Variants in TRABD2B observed in about 807,000 individuals in gnomAD.
TRABD2B encodes metalloprotease TIKI2.
A neutral mutation model predicts 40.1 loss-of-function variants in TRABD2B; 14 were observed. The observed-to-expected ratio is 0.35, with a 90% CI of 0.23 to 0.55. The LOEUF is 0.55. Ranked by LOEUF, TRABD2B falls within the 20% of genes least tolerant of loss-of-function variation. TRABD2B has a pLI of 0.90. For missense variants in TRABD2B, 541 were observed against 648.6 expected (o/e 0.83, Z 1.80); for synonymous variants, 263 against 277.0 (o/e 0.95, Z 0.50).
intron 2 of TRABD2B, among the ~76,000 whole-genome samples, chr1:47,969,170 G>T: frequency 6.6e-6 from 1 of 152,206 alleles, no homozygotes; most frequent in East Asian, 1.9e-4. Context: ...TATCACAGAA[G>T]CCTGGAGGTT....
At chr1:47,807,415 T>A (rs1261799113) in intron 2 of TRABD2B, among the ~76,000 whole-genome samples, 1 of 152,200 alleles carries the variant, frequency 6.6e-6, no homozygotes, top group Non-Finnish European at 1.5e-5. Flanking sequence ...ACAGGACTAC[T>A]AATGGCCCAG....
intron 2 of TRABD2B, among the ~76,000 whole-genome samples, chr1:47,926,185 G>A (rs570568716): frequency 6.6e-6 from 1 of 152,232 alleles, no homozygotes; most frequent in Admixed American, 6.5e-5. Flanking sequence ...TAATAAAAAG[G>A]AATCATTCCT....
rs562766493 is a variant in TRABD2B, at chr1:47,785,234, C to A, written c.989-6690G>T. Among the ~76,000 whole-genome samples, 18 of 152,226 alleles carry A rather than the reference C, an allele frequency of 1.2e-4. No individual in the cohort carries two copies. The East Asian group carries it at 1.9e-3, about 16-fold the overall frequency. On this transcript the variant is annotated intron_variant, in intron 4 of 6. Transcript: ENST00000606738. ...TTGCTGCAGGACATGGTGAAGGGGA[C>A]AGATTCAAGCTGGGACCAAAAAACA...
intron 2 of TRABD2B, among the ~76,000 whole-genome samples, chr1:47,872,801 G>A (rs1644163911): frequency 6.6e-6 from 1 of 152,186 alleles, no homozygotes; most frequent in Middle Eastern, 3.2e-3. Flanking sequence ...GTGGGGGGAA[G>A]GCTGGGAGTT....
intron 2 of TRABD2B, among the ~76,000 whole-genome samples, chr1:47,974,761 G>A (rs1363410399): frequency 2.0e-5 from 3 of 151,864 alleles, no homozygotes; most frequent in African/African-American, 7.3e-5. Flanking sequence ...AAAAGATGGA[G>A]GGAAAAAAGG....
intron 2 of TRABD2B, among the ~76,000 whole-genome samples, chr1:47,862,273 T>A (rs1643984842): frequency 6.6e-6 from 1 of 152,150 alleles, no homozygotes; most frequent in Non-Finnish European, 1.5e-5. Context: ...ATAAAATATA[T>A]ACTTATTGAG....
At position 47,863,372 on chromosome 1, in the gene TRABD2B, T is replaced by TTATTTATATTTATATATATATATATATA. The variant is rs568340180; in HGVS notation, c.667-61754_667-61753insTATATATATATATATATAAATATAAATA. On this transcript the variant is annotated intron_variant, in intron 2 of 6. Transcript: ENST00000606738. ...ATAATTGGATATATCCTATATAATT[T>TTATTTATATTTATATATATATATATATA]TATATATATATATATATATATAATC... 1.5e-4 allele frequency among the ~76,000 whole-genome samples: 10 copies of TTATTTATATTTATATATATATATATATA among 66,496 alleles called. 1 individual carries two copies. The highest frequency in any genetic ancestry group is 4.7e-4 in the African/African-American group (9 of 19,016). The allele number at this position is 66,496 out of a possible 152,430, so 43.6% of individuals were successfully genotyped here.
Position 47,763,502 on chromosome 1 carries a change from T to G in TRABD2B, c.*2400A>C, listed in dbSNP as rs1198628450. ...CGACGTAATCTAGCATTGCACTGCT[T>G]GTCCCATCTTGATAATGAGTTCCTC... On this transcript the variant is annotated 3_prime_UTR_variant, in exon 7 of 7. Transcript: ENST00000606738. 1.3e-5 allele frequency: 2 copies of G among 152,204 alleles called. No homozygotes were observed. The highest frequency in any genetic ancestry group is 2.9e-5 in the Non-Finnish European group (2 of 68,042). The allele number at this position is 152,204 out of a possible 1,614,324, so 9.4% of individuals were successfully genotyped here.
intron 2 of TRABD2B, among the ~76,000 whole-genome samples, chr1:47,918,022 A>T (rs756212134): frequency 1.6e-4 from 24 of 152,372 alleles, no homozygotes; most frequent in Non-Finnish European, 3.4e-4. Context: ...GAAGGTCAGA[A>T]TAAAGTAATC....
rs1446761089 is a variant in TRABD2B at position 47,953,819 on chromosome 1, G to C, written c.666+40215C>G. Among the ~76,000 whole-genome samples the C allele has an allele frequency of 5.9e-5, 9 of 152,154 alleles. No homozygotes were observed. In the South Asian group the frequency reaches 1.9e-3, roughly 32 times the overall value. On this transcript the variant is annotated intron_variant, in intron 2 of 6. Transcript: ENST00000606738. The stretch of plus-strand genomic sequence containing the variant: ...CTAGCTTGGGGTTTGGTGGCTGAGT[G>C]GGGGCTGAATCCACCCAGTGCCTCC...
chr1:47,845,339 AG>A (rs1367746847), intron 2 of TRABD2B, among the ~76,000 whole-genome samples: 1 of 152,222 alleles, frequency 6.6e-6, no homozygotes, highest in East Asian at 1.9e-4. Flanking sequence ...TCTTAATATT[AG>A]GATAATAACA....
chr1:47,766,638 T>C (rs1164770551), intron 6 of TRABD2B, among the ~76,000 whole-genome samples: 1 of 152,158 alleles, frequency 6.6e-6, no homozygotes, highest in Non-Finnish European at 1.5e-5. Flanking sequence ...TAACAAGCCT[T>C]CAAAATGGGT....
At chr1:47,792,549 G>GA (rs1315948701) in intron 4 of TRABD2B, among the ~76,000 whole-genome samples, 1 of 152,202 alleles carries the variant, frequency 6.6e-6, no homozygotes, top group Non-Finnish European at 1.5e-5. Context: ...ACATTTTGGA[G>GA]ATGGGAGAAG....
Position 47,994,266 on chromosome 1 carries a change from A to G in TRABD2B, c.434T>C (p.Leu145Pro). The change falls in exon 2 of 7, where the codon CTC becomes CCC. Residue 145 changes from leucine to proline, a missense_variant. This residue lies in a region of TRABD2B where 369 missense variants were observed against 492.8 expected (regional missense o/e 0.75). Coordinates refer to ENST00000606738, the MANE Select transcript of TRABD2B (RefSeq NM_001194986.2). The surrounding 1 kb of genome is among the most constrained non-coding windows in gnomAD (Gnocchi z 6.7). ...GGCATTGAATAGGTAGTCAGCATAGAGCCCCTTGCCCCGCTGAGCGGGCGT... is the reference window on the plus strand; with the variant it reads ...GGCATTGAATAGGTAGTCAGCATAGGGCCCCTTGCCCCGCTGAGCGGGCGT... ...WMTPAQRGKG[L>P]YADYLFNAIA... 1.3e-6 allele frequency: 2 copies of G among 1,537,374 alleles called. No homozygotes were observed. Among genetic ancestry groups the G allele is most frequent in the African/African-American group, 1.4e-5 (1 of 73,208 alleles).
chr1:47,850,574 C>T (rs1645534305), intron 2 of TRABD2B, among the ~76,000 whole-genome samples: 1 of 152,210 alleles, frequency 6.6e-6, no homozygotes, highest in African/African-American at 2.4e-5. Flanking sequence ...GTCTCCCACA[C>T]TCCAGCTTGT....
chr1:47,978,432 T>C (rs1645791650), intron 2 of TRABD2B, among the ~76,000 whole-genome samples: 1 of 144,946 alleles, frequency 6.9e-6, no homozygotes, highest in South Asian at 2.3e-4. Flanking sequence ...GGAGCGATGA[T>C]GGGGCAGCCC....
At chr1:47,991,013 T>C (rs1377382840) in intron 2 of TRABD2B, among the ~76,000 whole-genome samples, 1 of 150,920 alleles carries the variant, frequency 6.6e-6, no homozygotes, top group Non-Finnish European at 1.5e-5. Flanking sequence ...AGAAAGACAA[T>C]TTTAAGCCCT....
At chr1:47,919,038 C>G (rs974195163) in intron 2 of TRABD2B, among the ~76,000 whole-genome samples, 3 of 152,220 alleles carry the variant, frequency 2.0e-5, no homozygotes, top group Non-Finnish European at 4.4e-5. Flanking sequence ...GTCACTCCCT[C>G]TTGGGCTCCC....
intron 2 of TRABD2B, among the ~76,000 whole-genome samples, chr1:47,821,717 T>C (rs903965902): frequency 2.0e-5 from 3 of 152,090 alleles, no homozygotes; most frequent in African/African-American, 7.2e-5. Context: ...CTGCACCCTG[T>C]GATCCTGCAA....
Sources: gnomAD v4.1 joint callset for allele counts (sites outside exome capture counted in the v4.1 genomes callset) on GRCh38, gnomAD v4.1.1 for gene constraint, gnomAD v4.1.1 regional missense constraint, Gnocchi (gnomAD v3.1) non-coding constraint, MANE v1.5 for transcripts, NCBI Gene and HGNC (gene_info 2026-07-23, HGNC 2026-07-21) for gene names.